The following CSMD1 variants were observed in gnomAD, a reference collection of about 807,000 sequenced individuals.
CSMD1 encodes the protein CUB and Sushi multiple domains 1.
Under a neutral mutation model 417.5 loss-of-function variants are expected in CSMD1, and 213 were observed. That is an observed-to-expected ratio of 0.51 (90% CI 0.46 to 0.57). The LOEUF (loss-of-function observed/expected upper bound fraction) is 0.57, where lower values mean the gene tolerates loss of function less well. Among genes scored for constraint, CSMD1 ranks in the 20% least tolerant of loss-of-function variants. The pLI, the probability that CSMD1 is intolerant of heterozygous loss-of-function variation, is 0.00. For synonymous variants in CSMD1, 2,862 were observed against 1,736.8 expected (o/e 1.65, Z -16.11); for missense variants, 6,923 against 4,529.7 (o/e 1.53, Z -15.17).
chr8:3,455,134 A>C (rs1816021185), intron 12 of CSMD1, among the ~76,000 whole-genome samples: 1 of 152,164 alleles, frequency 6.6e-6, no homozygotes, highest in Non-Finnish European at 1.5e-5. Flanking sequence ...TTCATCAGGT[A>C]GTTCTCCTGC....
chr8:3,783,080 C>G (rs1799266764), intron 5 of CSMD1, among the ~76,000 whole-genome samples: 1 of 152,092 alleles, frequency 6.6e-6, no homozygotes, highest in South Asian at 2.1e-4. Flanking sequence ...CCCCATCTCC[C>G]CATCCCGTAA....
chr8:3,490,793 G>C (rs374844503), intron 11 of CSMD1, among the ~76,000 whole-genome samples: 1 of 152,080 alleles, frequency 6.6e-6, no homozygotes, highest in Non-Finnish European at 1.5e-5. Flanking sequence ...TGTGTGCGAC[G>C]ATCGCCTTAG....
intron 1 of CSMD1, among the ~76,000 whole-genome samples, chr8:4,903,445 C>T (rs577427321): frequency 3.3e-5 from 5 of 152,132 alleles, no homozygotes; most frequent in African/African-American, 7.2e-5. Context: ...AGAATGATAC[C>T]GTGCTAAGGC....
At chr8:4,129,344 C>G (rs933773922) in intron 3 of CSMD1, among the ~76,000 whole-genome samples, 1 of 152,054 alleles carries the variant, frequency 6.6e-6, no homozygotes, top group Non-Finnish European at 1.5e-5. Flanking sequence ...ATTTTTTGAA[C>G]CTTCTTGAAT....
intron 10 of CSMD1, among the ~76,000 whole-genome samples, chr8:3,498,064 G>A (rs1018937737): frequency 6.6e-6 from 1 of 152,110 alleles, no homozygotes; most frequent in Non-Finnish European, 1.5e-5. Flanking sequence ...GCTTTGCTGG[G>A]TATAGTATTC....
At chr8:3,938,248 T>G (rs1563231527) in intron 5 of CSMD1, among the ~76,000 whole-genome samples, 2 of 152,022 alleles carry the variant, frequency 1.3e-5, no homozygotes, top group African/African-American at 2.4e-5. Context: ...TGCTTTACTG[T>G]TTAAAAAAAA....
At chr8:4,244,572 G>A (rs909212913) in intron 3 of CSMD1, among the ~76,000 whole-genome samples, 35 of 151,806 alleles carry the variant, frequency 2.3e-4, no homozygotes, top group Middle Eastern at 3.4e-3. Flanking sequence ...AAAATACTGC[G>A]TAAATATCAA....
intron 2 of CSMD1, among the ~76,000 whole-genome samples, chr8:4,562,845 C>G (rs1234265477): frequency 1.3e-5 from 2 of 152,068 alleles, no homozygotes; most frequent in Admixed American, 1.3e-4. Context: ...AGGAAGAATT[C>G]AAATGCCTCC....
chr8:3,671,258 G>GAA (rs554015493), intron 7 of CSMD1, among the ~76,000 whole-genome samples: 1 of 105,546 alleles, frequency 9.5e-6, no homozygotes, highest in African/African-American at 3.0e-5. Context: ...ATATATATAT[G>GAA]TATATATATA....
chr8:4,290,061 A>G (rs996598607), intron 3 of CSMD1, among the ~76,000 whole-genome samples: 2 of 152,202 alleles, frequency 1.3e-5, no homozygotes, highest in Admixed American at 6.5e-5. Context: ...ACAACTGCAA[A>G]TTCAGCACGG....
At chr8:2,974,971 G>A (rs1804797268) in intron 55 of CSMD1, among the ~76,000 whole-genome samples, 1 of 152,108 alleles carries the variant, frequency 6.6e-6, no homozygotes, top group African/African-American at 2.4e-5. Flanking sequence ...TAGGAAATTT[G>A]CGAAAGTAAC....
chr8:4,233,326 C>G (rs564258081), intron 3 of CSMD1, among the ~76,000 whole-genome samples: 1 of 152,280 alleles, frequency 6.6e-6, no homozygotes, highest in South Asian at 2.1e-4. Context: ...AAAAACCTCT[C>G]TTCATTGACA....
chr8:4,177,691 A>G lies in CSMD1; in HGVS notation c.416-145592T>C, dbSNP rs940021381. Among the ~76,000 whole-genome samples, 32 of 143,982 alleles carry G rather than the reference A, an allele frequency of 2.2e-4. 3 individuals are homozygous for G. The highest frequency in any genetic ancestry group is 6.2e-4 in the African/African-American group (24 of 38,546). 94.5% of individuals were successfully genotyped at this position (143,982 alleles called of 152,430 possible). On this transcript the variant is annotated intron_variant, in intron 3 of 69. Transcript: ENST00000635120. ...AATTGATAGACCGCTAGCAAGACTA[A>G]CAAAGAAAAAAAGAGACAAGAATCA...
intron 8 of CSMD1, among the ~76,000 whole-genome samples, chr8:3,601,792 T>G (rs904690555): frequency 6.6e-6 from 1 of 152,232 alleles, no homozygotes; most frequent in Non-Finnish European, 1.5e-5. Context: ...TGTTTCCAAT[T>G]CGTTTAAAAA....
At chr8:3,219,474 G>A (rs758080843) in intron 28 of CSMD1, 32 bp from the exon 29 acceptor site, 6 of 1,369,428 alleles carry the variant, frequency 4.4e-6, no homozygotes, top group Non-Finnish European at 5.8e-6. Flanking sequence ...ATGTCATACG[G>A]CTAACAGATA....
At position 3,720,398 on chromosome 8, in the gene CSMD1, G is replaced by A. The variant is rs188457024; in HGVS notation, c.932-11907C>T. Among the ~76,000 whole-genome samples the A allele has an allele frequency of 1.5e-4, 23 of 152,288 alleles. No individual in the cohort carries two copies. In the East Asian group the frequency reaches 4.3e-3, roughly 28 times the overall value. On this transcript the variant is annotated intron_variant, in intron 6 of 69. Coordinates refer to ENST00000635120, the MANE Select transcript of CSMD1 (RefSeq NM_033225.6). ...TCTATCTATGGGAATAATAAAAGCT[G>A]TCCAGGCACAACAACCTCACTGTAA...
At chr8:4,610,597 T>C (rs1412899564) in intron 2 of CSMD1, among the ~76,000 whole-genome samples, 2 of 152,178 alleles carry the variant, frequency 1.3e-5, no homozygotes, top group Non-Finnish European at 2.9e-5. Flanking sequence ...TTGGTAAATA[T>C]CTGATGGCTG....
At chr8:4,277,873 G>A (rs1329426675) in intron 3 of CSMD1, among the ~76,000 whole-genome samples, 5 of 151,966 alleles carry the variant, frequency 3.3e-5, no homozygotes, top group East Asian at 1.9e-4. Flanking sequence ...TCAGCCTCCC[G>A]AGTAGATGGG....
In CSMD1 at chr8:4,429,485, G is replaced by C. The variant is rs186072017; in HGVS notation, c.303-9420C>G. 1.1e-3 allele frequency among the ~76,000 whole-genome samples: 170 copies of C among 150,410 alleles called. 1 individual carries two copies. Among genetic ancestry groups the C allele is most frequent in the African/African-American group, 4.1e-3 (168 of 41,396 alleles). ...CTTTGGCAACTCCTCCTGTCAATTG[G>C]GAAACAGATTAGCTTATATAATTTG... On this transcript the variant is annotated intron_variant, in intron 2 of 69. Transcript: ENST00000635120.
Sources: allele counts gnomAD v4.1 joint callset (sites outside exome capture counted in the v4.1 genomes callset), GRCh38; gene constraint gnomAD v4.1.1; transcripts MANE v1.5; gene names NCBI Gene and HGNC (gene_info 2026-07-23, HGNC 2026-07-21).